Variants in MYO7A observed in about 807,000 individuals in gnomAD.
MYO7A encodes the protein unconventional myosin-VIIa.
In MYO7A, 210 loss-of-function variants were observed where a neutral mutation model predicts 263.8. That is an observed-to-expected ratio of 0.80 (90% CI 0.71 to 0.89). The LOEUF (loss-of-function observed/expected upper bound fraction) is 0.89, where lower values mean the gene tolerates loss of function less well. MYO7A is among the 40% of genes least tolerant of loss of function. The probability of loss-of-function intolerance (pLI) is 0.00; values close to 1 mark genes in which losing one functional copy is unlikely to be tolerated. For missense variants in MYO7A, 2,820 were observed against 2,968.3 expected (o/e 0.95, Z 1.16); for synonymous variants, 1,239 against 1,197.3 (o/e 1.03, Z -0.72).
chr11:77,210,984 C>T, intron 44 of MYO7A, 168 bp from the exon 45 acceptor site: 1 of 641,322 alleles, frequency 1.6e-6, no homozygotes, highest in South Asian at 2.0e-5. Flanking sequence ...TGTCCCTGTC[C>T]TGTGCCGTAT....
chr11:77,129,301 T>C (rs1157537582), intron 1 of MYO7A, among the ~76,000 whole-genome samples: 3 of 152,198 alleles, frequency 2.0e-5, no homozygotes, highest in Non-Finnish European at 2.9e-5. Context: ...CTAGTTCAGG[T>C]CTCTGGAAGG....
intron 4 of MYO7A, 96 bp from the exon 5 acceptor site, chr11:77,155,811 C>G: frequency 7.4e-7 from 1 of 1,352,266 alleles, no homozygotes; most frequent in Non-Finnish European, 9.9e-7. Flanking sequence ...GGACTCTTCC[C>G]TCCAGGGTGC....
chr11:77,205,726 C>T lies in MYO7A; in HGVS notation c.5636+109C>T. The T allele has an allele frequency of 2.8e-6, 4 of 1,432,940 alleles. No individual in the cohort carries two copies. The South Asian group carries it at 5.3e-5, about 19-fold the overall frequency. 88.8% of individuals were successfully genotyped at this position (1,432,940 alleles called of 1,614,324 possible). On this transcript the variant is annotated intron_variant, in intron 40 of 48. Transcript: ENST00000409709. ...GAGGACCACATAGCAGTTGGGCCCACCCCTGGGGTACCTCAACTGCCAGCT... is the reference window on the plus strand; with the variant it reads ...GAGGACCACATAGCAGTTGGGCCCATCCCTGGGGTACCTCAACTGCCAGCT...
intron 2 of MYO7A, among the ~76,000 whole-genome samples, chr11:77,139,184 A>T (rs1290521969): frequency 6.6e-6 from 1 of 152,196 alleles, no homozygotes; most frequent in African/African-American, 2.4e-5. Context: ...ACCCAGAGAG[A>T]CACAGCGTTA....
intron 28 of MYO7A, 150 bp downstream of exon 28, chr11:77,189,620 T>G: frequency 8.3e-7 from 1 of 1,201,832 alleles, no homozygotes; most frequent in African/African-American, 1.5e-5. Flanking sequence ...TGGCACCCCC[T>G]CCTCTCAGGC....
chr11:77,163,517 G>A (rs1953219935), intron 14 of MYO7A, among the ~76,000 whole-genome samples: 1 of 152,214 alleles, frequency 6.6e-6, no homozygotes, highest in Non-Finnish European at 1.5e-5. Flanking sequence ...TGTACAGCAT[G>A]TTCTTGTACT....
At chr11:77,178,217 C>A in intron 19 of MYO7A, among the ~76,000 whole-genome samples, 1 of 151,822 alleles carries the variant, frequency 6.6e-6, no homozygotes, top group Non-Finnish European at 1.5e-5. Flanking sequence ...ATCCATCTGC[C>A]CACCTATTCA....
At chr11:77,196,508 T>G (rs1956675704) in intron 32 of MYO7A, among the ~76,000 whole-genome samples, 1 of 152,220 alleles carries the variant, frequency 6.6e-6, no homozygotes, top group South Asian at 2.1e-4. Flanking sequence ...AACATCTTAT[T>G]TTGAAATAAT....
chr11:77,135,092 C>T (rs1222929728), intron 2 of MYO7A, among the ~76,000 whole-genome samples: 6 of 152,158 alleles, frequency 3.9e-5, no homozygotes, highest in African/African-American at 1.4e-4. Flanking sequence ...CCCCATTTAA[C>T]CACTTTAAGT....
chr11:77,182,735 C>T (rs1367238449), intron 25 of MYO7A, 135 bp downstream of exon 25: 2 of 959,216 alleles, frequency 2.1e-6, no homozygotes, highest in Non-Finnish European at 1.5e-6. Flanking sequence ...CTGCCTGCCA[C>T]CCTCCTTTGT....
At position 77,182,053 on chromosome 11, in the gene MYO7A, A is replaced by G. The variant is rs782686505; in HGVS notation, c.3007A>G (p.Lys1003Glu). The part of the protein sequence containing the change: ...EEDLSEYKFA[K>E]FAATYFQGTT... ...GGACCTCTCTGAGTATAAATTTGCC[A>G]AGTTCGCGGCCACCTACTTCCAGGG... The change falls in exon 24 of 49, where the codon AAG becomes GAG. Residue 1003 changes from lysine (K) to glutamate (E), a missense_variant. By Grantham distance (56) the Lys-to-Glu change is moderately conservative. Transcript: ENST00000409709. 1.2e-6 allele frequency: 2 copies of G among 1,613,280 alleles called. No homozygotes were observed.
chr11:77,182,022 TGAG>T lies in MYO7A; in HGVS notation c.2982_2984del (p.Glu994del). The T allele has an allele frequency of 6.2e-7, 1 of 1,613,442 alleles. No homozygotes were observed. Among genetic ancestry groups the T allele is most frequent in the Non-Finnish European group, 8.5e-7 (1 of 1,179,802 alleles). ...CAGCCCTGCCCCTGCCTGACGAGGA[TGAG>T]GAGGACCTCTCTGAGTATAAATTTG... On this transcript the variant is annotated inframe_deletion, in exon 24 of 49. Coordinates refer to ENST00000409709, the MANE Select transcript of MYO7A (RefSeq NM_000260.4).
Position 77,202,388 on chromosome 11 carries a change from C to A in MYO7A, c.5132C>A (p.Pro1711His), listed in dbSNP as rs1396815519. ...GCGGAGCCCGAGGTGCGTGCCAAGC[C>A]CTACACGCTGGAGGAGTTTTCCTAT... is the stretch of plus-strand genomic sequence containing the variant. ...RTAEPEVRAK[P>H]YTLEEFSYDY... Residue 1711 changes from proline (P) to histidine (H), a missense_variant, in exon 37 of 49, where the codon CCC becomes CAC. By Grantham distance (77) the Pro-to-His change is moderately conservative (BLOSUM62 -2). Coordinates refer to ENST00000409709, the MANE Select transcript of MYO7A (RefSeq NM_000260.4). The A allele has an allele frequency of 6.4e-7, 1 of 1,555,530 alleles. No individual in the cohort carries two copies. Among genetic ancestry groups the A allele is most frequent in the Non-Finnish European group, 8.7e-7 (1 of 1,149,348 alleles).
chr11:77,179,132 G>A lies in MYO7A; in HGVS notation c.2367+3G>A. ...ACTGTAGGAAGAACTACGGGCTGGT[G>A]AGCCTCCCCATGGGCTGCTCTTGCC... is the stretch of plus-strand genomic sequence containing the variant. On this transcript the variant is annotated splice_donor_region_variant and intron_variant, in intron 20 of 48. Transcript: ENST00000409709. The A allele has an allele frequency of 6.3e-7, 1 of 1,596,484 alleles. No homozygotes were observed. The highest frequency in any genetic ancestry group is 8.5e-7 in the Non-Finnish European group (1 of 1,172,038).
At chr11:77,212,658 C>G in intron 46 of MYO7A, 4 of 491,166 alleles carry the variant, frequency 8.1e-6, no homozygotes, top group Non-Finnish European at 1.5e-5. Context: ...GCGAGGAGAA[C>G]AGGTAGGTAG....
chr11:77,209,012 C>G, intron 44 of MYO7A: 1 of 579,408 alleles, frequency 1.7e-6, no homozygotes, highest in East Asian at 2.8e-5. Flanking sequence ...AGGGGCTTGA[C>G]AGTTCCTCCT....
chr11:77,173,937 G>A (rs1379629858), intron 16 of MYO7A, among the ~76,000 whole-genome samples: 1 of 152,012 alleles, frequency 6.6e-6, no homozygotes, highest in East Asian at 1.9e-4. Context: ...TCTGAAGTGG[G>A]ACCCTTCCCT....
intron 3 of MYO7A, among the ~76,000 whole-genome samples, chr11:77,145,099 C>T (rs573194223): frequency 2.4e-4 from 37 of 152,198 alleles, no homozygotes; most frequent in Non-Finnish European, 5.0e-4. Context: ...AGCGGTGCAG[C>T]TACTGGGCAA....
In MYO7A at chr11:77,156,086, C is replaced by T. The variant is rs781887000; in HGVS notation, c.465C>T (p.Ile155=). 6.2e-7 allele frequency: 1 copy of T among 1,613,804 alleles called. No individual in the cohort carries two copies. The highest frequency in any genetic ancestry group is 1.1e-5 in the South Asian group (1 of 91,042). ...MKRNSRDQCC[I]ISGESGAGKT... is the part of the protein sequence containing the mutation. ...GCAACAGCCGAGACCAGTGCTGCAT[C>T]ATCAGGTGGGCGGCCCAGCACCTGT... Residue 155 remains isoleucine, a synonymous_variant, in exon 5 of 49, where the codon ATC becomes ATT. Coordinates refer to ENST00000409709, the MANE Select transcript of MYO7A (RefSeq NM_000260.4).
Sources: allele counts gnomAD v4.1 joint callset (sites outside exome capture counted in the v4.1 genomes callset), GRCh38; gene constraint gnomAD v4.1.1; transcripts MANE v1.5; gene names NCBI Gene and HGNC (gene_info 2026-07-23, HGNC 2026-07-21).